ITGBL1: variants seen among roughly 807,000 people sequenced by gnomAD.
The protein encoded by ITGBL1 is integrin beta-like protein 1.
ITGBL1 carries 51 observed loss-of-function variants against 68.5 expected under a neutral mutation model. The ratio of observed to expected loss-of-function variants is 0.74; its 90% CI spans 0.59 to 0.94. The LOEUF (loss-of-function observed/expected upper bound fraction) is 0.94. Among genes scored for constraint, ITGBL1 ranks in the 40% least tolerant of loss-of-function variants. The pLI is 0.00. For missense variants in ITGBL1, 649 were observed against 647.4 expected (o/e 1.00, Z -0.03); for synonymous variants, 209 against 227.3 (o/e 0.92, Z 0.72).
chr13:101,695,446 G>A (rs2033980143), intron 8 of ITGBL1, among the ~76,000 whole-genome samples: 1 of 152,146 alleles, frequency 6.6e-6, no homozygotes, highest in Admixed American at 6.6e-5. Flanking sequence ...ATAACTTGAG[G>A]CTTTACTCTA....
chr13:101,500,492 G>A (rs933005196), intron 2 of ITGBL1, among the ~76,000 whole-genome samples: 2 of 152,120 alleles, frequency 1.3e-5, no homozygotes, highest in Non-Finnish European at 2.9e-5. Context: ...TTAACCAACT[G>A]CTACAAAATT....
chr13:101,537,961 G>A (rs965005634), intron 2 of ITGBL1, among the ~76,000 whole-genome samples: 1 of 151,956 alleles, frequency 6.6e-6, no homozygotes, highest in African/African-American at 2.4e-5. Context: ...TAAAAACTAT[G>A]TTTGGATCAT....
chr13:101,650,991 T>C (rs1460786966), intron 7 of ITGBL1, among the ~76,000 whole-genome samples: 1 of 152,224 alleles, frequency 6.6e-6, no homozygotes, highest in African/African-American at 2.4e-5. Flanking sequence ...TTTTTCCTTT[T>C]TATGGCTGCA....
At chr13:101,478,755 A>C (rs2048573284) in intron 2 of ITGBL1, among the ~76,000 whole-genome samples, 1 of 151,974 alleles carries the variant, frequency 6.6e-6, no homozygotes, top group South Asian at 2.1e-4. Context: ...GAGTTAACCA[A>C]AGAAGAGAAA....
At chr13:101,703,335 T>G (rs1016600733) in intron 8 of ITGBL1, among the ~76,000 whole-genome samples, 3 of 152,116 alleles carry the variant, frequency 2.0e-5, no homozygotes, top group African/African-American at 7.2e-5. Context: ...TACTTCTACC[T>G]CTGCAAAAAC....
chr13:101,485,716 C>CGGGAGGCAGAGCTTGCA (rs1427369365), intron 2 of ITGBL1, among the ~76,000 whole-genome samples: 1 of 152,034 alleles, frequency 6.6e-6, no homozygotes, highest in Non-Finnish European at 1.5e-5. Context: ...GGCGTGAACC[C>CGGGAGGCAGAGCTTGCA]GGGAGGCAGA....
chr13:101,483,131 A>AT lies in ITGBL1; in HGVS notation c.316+29032dup, dbSNP rs537402672. 9.8e-5 allele frequency among the ~76,000 whole-genome samples: 15 copies of AT among 152,328 alleles called. No homozygotes were observed. The East Asian group carries it at 2.5e-3, about 25-fold the overall frequency. ...GGATAGCCCCACACCCAGGCTTCAC[A>AT]TGGTGGCTAATGACAACAGTAGATA... On this transcript the variant is annotated intron_variant, in intron 2 of 10. Coordinates refer to ENST00000376180, the MANE Select transcript of ITGBL1 (RefSeq NM_004791.3).
chr13:101,639,505 C>T (rs2032291360), intron 7 of ITGBL1, among the ~76,000 whole-genome samples: 1 of 152,042 alleles, frequency 6.6e-6, no homozygotes, highest in South Asian at 2.1e-4. Context: ...ATTACAATTC[C>T]TTCAAATATA....
rs2048860351 is a variant in ITGBL1, at chr13:101,496,566, T to C, written c.316+42466T>C. ...CAGAGAAAAAATCTATTTTTAAGTC[T>C]TTCCACTTCTCATCTTATTGGTTTT... On this transcript the variant is annotated intron_variant, in intron 2 of 10. Coordinates refer to ENST00000376180, the MANE Select transcript of ITGBL1 (RefSeq NM_004791.3). Among the ~76,000 whole-genome samples, 3 of 152,220 alleles carry C rather than the reference T, an allele frequency of 2.0e-5. No individual in the cohort carries two copies. The South Asian group carries it at 6.2e-4, about 32-fold the overall frequency.
intron 7 of ITGBL1, among the ~76,000 whole-genome samples, chr13:101,623,579 T>G (rs149198609): frequency 1.3e-5 from 2 of 152,328 alleles, no homozygotes; most frequent in African/African-American, 4.8e-5. Context: ...GGTAAGATGA[T>G]TCTATAAAAT....
chr13:101,565,111 G>A (rs997462394), intron 2 of ITGBL1, among the ~76,000 whole-genome samples: 2 of 151,820 alleles, frequency 1.3e-5, no homozygotes, highest in African/African-American at 4.8e-5. Flanking sequence ...GTTTTTTTAA[G>A]CCACCAAGTT....
At chr13:101,651,964 G>A (rs1430821864) in intron 7 of ITGBL1, among the ~76,000 whole-genome samples, 2 of 152,068 alleles carry the variant, frequency 1.3e-5, no homozygotes, top group Non-Finnish European at 2.9e-5. Flanking sequence ...CAGGTTTGTT[G>A]AAGATCAGAT....
In ITGBL1 at chr13:101,715,706, G is replaced by T. The variant is rs1436266; in HGVS notation, c.*52G>T. 1 allele frequency: 1,158,032 copies of T among 1,160,774 alleles called. 577,690 individuals carry two copies. The highest frequency in any genetic ancestry group is 1 in the Non-Finnish European group (766,236 of 766,270). 71.9% of individuals were successfully genotyped at this position (1,160,774 alleles called of 1,614,324 possible). A position where few individuals can be genotyped will look rare whatever the true frequency, so the allele number is the denominator to read the frequency against. On this transcript the variant is annotated 3_prime_UTR_variant, in exon 11 of 11. Coordinates refer to ENST00000376180, the MANE Select transcript of ITGBL1 (RefSeq NM_004791.3). ...TTATTTTTTCTGGGCCATTAGAACAGATAAATGCGAAGGAAACCATGTATA... is the reference window on the plus strand; with the variant it reads ...TTATTTTTTCTGGGCCATTAGAACATATAAATGCGAAGGAAACCATGTATA...
chr13:101,483,794 T>C (rs1305839019), intron 2 of ITGBL1, among the ~76,000 whole-genome samples: 1 of 152,218 alleles, frequency 6.6e-6, no homozygotes, highest in Non-Finnish European at 1.5e-5. Flanking sequence ...TTATCACATA[T>C]TTCTTTAAGT....
chr13:101,464,508 C>T (rs1410126931), intron 2 of ITGBL1, among the ~76,000 whole-genome samples: 1 of 150,524 alleles, frequency 6.6e-6, no homozygotes, highest in Non-Finnish European at 1.5e-5. Context: ...CATAGAAGAC[C>T]CAGAGAGGGT....
rs747105484 is a variant in ITGBL1 at position 101,638,945 on chromosome 13, GTATT to G, written c.1015+40651_1015+40654del. Among the ~76,000 whole-genome samples, 3 of 152,112 alleles carry G rather than the reference GTATT, an allele frequency of 2.0e-5. No homozygotes were observed. The East Asian group carries it at 5.8e-4, about 29-fold the overall frequency. On this transcript the variant is annotated intron_variant, in intron 7 of 10. Coordinates refer to ENST00000376180, the MANE Select transcript of ITGBL1 (RefSeq NM_004791.3). ...ATAATGTTGAATGTTTTACTTAACTGTATTTATTATTAATTTTTTGAAATGGTAA... is the reference window on the plus strand; with the variant it reads ...ATAATGTTGAATGTTTTACTTAACTGTATTATTAATTTTTTGAAATGGTAA...
At chr13:101,539,169 AT>A (rs2049638012) in intron 2 of ITGBL1, among the ~76,000 whole-genome samples, 1 of 146,236 alleles carries the variant, frequency 6.8e-6, no homozygotes, top group African/African-American at 2.5e-5. Context: ...GTCATTTAGC[AT>A]TAGGTATATC....
chr13:101,637,104 G>C (rs2032195007), intron 7 of ITGBL1, among the ~76,000 whole-genome samples: 1 of 152,046 alleles, frequency 6.6e-6, no homozygotes, highest in South Asian at 2.1e-4. Flanking sequence ...AACAAAATGG[G>C]AAGATACATC....
At chr13:101,604,891 C>CACAA (rs2030631422) in intron 7 of ITGBL1, among the ~76,000 whole-genome samples, 1 of 73,406 alleles carries the variant, frequency 1.4e-5, no homozygotes, top group Non-Finnish European at 3.0e-5. Flanking sequence ...TATATATACA[C>CACAA]ACACACACAC....
Sources: gnomAD v4.1 joint callset for allele counts (sites outside exome capture counted in the v4.1 genomes callset) on GRCh38, gnomAD v4.1.1 for gene constraint, MANE v1.5 for transcripts, NCBI Gene and HGNC (gene_info 2026-07-23, HGNC 2026-07-21) for gene names.